The following DOCK3 variants were observed in gnomAD, a reference collection of about 807,000 sequenced individuals.
DOCK3 encodes dedicator of cytokinesis 3, also known as dedicator of cytokinesis protein 3.
Under a neutral mutation model 265.6 loss-of-function variants are expected in DOCK3, and 60 were observed. That is an observed-to-expected ratio of 0.23 (90% CI 0.18 to 0.28). The LOEUF (loss-of-function observed/expected upper bound fraction) is 0.28. DOCK3 is among the 10% of genes least tolerant of loss of function. The probability of loss-of-function intolerance (pLI) is 1.00; values close to 1 mark genes in which losing one functional copy is unlikely to be tolerated. For missense variants in DOCK3, 1,981 were observed against 2,594.3 expected, an observed-to-expected ratio of 0.76 and a Z score of 5.14; for synonymous variants, 881 against 938.0, an observed-to-expected ratio of 0.94 and a Z score of 1.11.
intron 2 of DOCK3, among the ~76,000 whole-genome samples, chr3:50,840,691 G>A (rs9875961): frequency 0.75 from 114,462 of 152,054 alleles, 44,287 homozygotes; most frequent in Middle Eastern, 0.88. Context: ...GTCATTTTCT[G>A]TTACGTTTCT....
chr3:50,773,379 T>A (rs551982077), intron 1 of DOCK3, among the ~76,000 whole-genome samples: 12 of 151,798 alleles, frequency 7.9e-5, no homozygotes, highest in East Asian at 3.9e-4. Flanking sequence ...TATATTAATT[T>A]AAAAAAAATC....
chr3:50,989,126 T>C (rs2078009639), intron 5 of DOCK3, among the ~76,000 whole-genome samples: 1 of 152,126 alleles, frequency 6.6e-6, no homozygotes, highest in East Asian at 1.9e-4. Context: ...CTACTGCTTG[T>C]CACCAGACAG....
At chr3:50,697,692 T>A (rs1180158967) in intron 1 of DOCK3, among the ~76,000 whole-genome samples, 1 of 152,232 alleles carries the variant, frequency 6.6e-6, no homozygotes, top group African/African-American at 2.4e-5. Flanking sequence ...CCATTTCTTC[T>A]TTTATTATTG....
chr3:51,317,652 A>C (rs987967868), intron 32 of DOCK3, among the ~76,000 whole-genome samples: 3 of 149,916 alleles, frequency 2.0e-5, no homozygotes, highest in African/African-American at 4.9e-5. Flanking sequence ...AAAAGAGTAG[A>C]CTTTAAATGT....
chr3:51,351,877 G>A (rs997407295), intron 40 of DOCK3, among the ~76,000 whole-genome samples: 3 of 152,020 alleles, frequency 2.0e-5, no homozygotes, highest in African/African-American at 7.2e-5. Flanking sequence ...GGCTGGTCTC[G>A]AACTCCTGAC....
intron 9 of DOCK3, among the ~76,000 whole-genome samples, chr3:51,145,838 G>A (rs1356271538): frequency 6.6e-6 from 1 of 152,152 alleles, no homozygotes; most frequent in South Asian, 2.1e-4. Context: ...GGTGGTGTGG[G>A]ATGGTTTTGG....
At chr3:51,224,774 G>C (rs1370837706) in intron 14 of DOCK3, among the ~76,000 whole-genome samples, 4 of 151,666 alleles carry the variant, frequency 2.6e-5, no homozygotes, top group Non-Finnish European at 5.9e-5. Context: ...TTTAGTTCAT[G>C]TGAATAAAAC....
chr3:50,701,227 C>G (rs2036021711), intron 1 of DOCK3, among the ~76,000 whole-genome samples: 1 of 150,550 alleles, frequency 6.6e-6, no homozygotes, highest in Admixed American at 6.7e-5. Flanking sequence ...AATTCCTGGG[C>G]TCAAGCCATT....
chr3:50,866,353 C>A (rs1237508776), intron 3 of DOCK3, among the ~76,000 whole-genome samples: 2 of 152,098 alleles, frequency 1.3e-5, no homozygotes, highest in Admixed American at 1.3e-4. Flanking sequence ...GGCGTGGTGG[C>A]ATGTGCCTGT....
intron 2 of DOCK3, among the ~76,000 whole-genome samples, chr3:50,820,895 A>AT (rs1381220677): frequency 7.8e-6 from 1 of 128,930 alleles, no homozygotes; most frequent in African/African-American, 3.0e-5. Flanking sequence ...TCTCATTGTG[A>AT]TTTTGGTGAT....
At chr3:50,695,413 T>C (rs1576128102) in intron 1 of DOCK3, among the ~76,000 whole-genome samples, 1 of 152,186 alleles carries the variant, frequency 6.6e-6, no homozygotes, top group South Asian at 2.1e-4. Flanking sequence ...AATGCACAAA[T>C]CCCTGTGAAT....
chr3:51,351,190 A>G (rs542063040), intron 40 of DOCK3, among the ~76,000 whole-genome samples: 1 of 152,152 alleles, frequency 6.6e-6, no homozygotes, highest in Non-Finnish European at 1.5e-5. Flanking sequence ...AGCTGCCCTG[A>G]TGTGTGGGCC....
Position 51,360,591 on chromosome 3 carries a change from C to T in DOCK3, c.4965C>T (p.Ser1655=), listed in dbSNP as rs2086662835. 1 of 1,613,810 alleles carries T rather than the reference C, an allele frequency of 6.2e-7. No individual in the cohort carries two copies. The highest frequency in any genetic ancestry group is 8.5e-7 in the Non-Finnish European group (1 of 1,179,836). The change falls in exon 47 of 53, where the codon AGC becomes AGT. Residue 1655 remains serine (S), a synonymous_variant. Coordinates refer to ENST00000266037, the MANE Select transcript of DOCK3 (RefSeq NM_004947.5). The stretch of plus-strand genomic sequence containing the variant: ...GGGGAAATGTTCTGGCATCCCATAG[C>T]CCCATGAGTCCGGAGAGCATCAAGA... The part of the protein sequence containing the change: ...TPRGNVLASH[S]PMSPESIKMT...
At chr3:50,828,368 A>G (rs2044904528) in intron 2 of DOCK3, among the ~76,000 whole-genome samples, 1 of 152,084 alleles carries the variant, frequency 6.6e-6, no homozygotes, top group Non-Finnish European at 1.5e-5. Context: ...ACTTCTGTCT[A>G]CATTCATTCG....
chr3:51,187,370 A>G (rs2087670731), intron 12 of DOCK3, among the ~76,000 whole-genome samples: 1 of 152,196 alleles, frequency 6.6e-6, no homozygotes, highest in African/African-American at 2.4e-5. Flanking sequence ...CCCCCATTAT[A>G]TCTAGGAAGT....
At chr3:50,781,386 C>G (rs1013615934) in intron 2 of DOCK3, among the ~76,000 whole-genome samples, 1 of 151,020 alleles carries the variant, frequency 6.6e-6, no homozygotes, top group African/African-American at 2.4e-5. Context: ...CCACCTCAGC[C>G]TCCTGAGTGG....
intron 3 of DOCK3, among the ~76,000 whole-genome samples, chr3:50,844,808 C>T (rs1207266352): frequency 6.6e-6 from 1 of 152,118 alleles, no homozygotes; most frequent in East Asian, 1.9e-4. Context: ...TTTCTGCATA[C>T]ACTTCTACAG....
chr3:51,038,604 G>A (rs1575842376), intron 5 of DOCK3, among the ~76,000 whole-genome samples: 1 of 152,136 alleles, frequency 6.6e-6, no homozygotes, highest in East Asian at 1.9e-4. Context: ...TGTTGGTAAG[G>A]CCAGTGCTAA....
chr3:50,846,033 A>G (rs1330881382), intron 3 of DOCK3, among the ~76,000 whole-genome samples: 1 of 152,218 alleles, frequency 6.6e-6, no homozygotes, highest in Non-Finnish European at 1.5e-5. Context: ...ATGAGTTGAT[A>G]TGAAACCGTT....
Sources: gnomAD v4.1 joint callset for allele counts (sites outside exome capture counted in the v4.1 genomes callset) on GRCh38, gnomAD v4.1.1 for gene constraint, MANE v1.5 for transcripts, NCBI Gene and HGNC (gene_info 2026-07-23, HGNC 2026-07-21) for gene names.